Variants in CCDC178 observed in about 807,000 individuals in gnomAD.
CCDC178 encodes the protein coiled-coil domain-containing protein 178.
A neutral mutation model predicts 117.4 loss-of-function variants in CCDC178; 126 were observed. The ratio of observed to expected loss-of-function variants is 1.07; its 90% CI spans 0.93 to 1.24. The LOEUF is 1.24. Among genes scored for constraint, CCDC178 ranks in the 50% most tolerant of loss-of-function variants. The probability of loss-of-function intolerance (pLI) is 0.00; values close to 1 mark genes in which losing one functional copy is unlikely to be tolerated. For synonymous variants in CCDC178, 283 were observed against 313.4 expected (o/e 0.90, Z 1.02); for missense variants, 1,030 against 986.9 (o/e 1.04, Z -0.59).
chr18:33,330,139 G>A (rs748825361), intron 10 of CCDC178, among the ~76,000 whole-genome samples: 15 of 151,718 alleles, frequency 9.9e-5, no homozygotes, highest in Non-Finnish European at 1.8e-4. Context: ...GGAAGTATTT[G>A]GGCCTCTCAG....
chr18:32,990,247 C>A (rs1430551488), intron 21 of CCDC178, among the ~76,000 whole-genome samples: 1 of 151,986 alleles, frequency 6.6e-6, no homozygotes, highest in Non-Finnish European at 1.5e-5. Flanking sequence ...CTTTAGGGAA[C>A]TTAGGAAAAA....
chr18:33,279,710 A>AG (rs747071118), intron 12 of CCDC178, among the ~76,000 whole-genome samples: 1 of 152,076 alleles, frequency 6.6e-6, no homozygotes, highest in African/African-American at 2.4e-5. Flanking sequence ...CTATACTACA[A>AG]GCTACAGTAA....
In CCDC178 at chr18:33,273,724, G is replaced by A. The variant is rs182567029; in HGVS notation, c.1177-6427C>T. Among the ~76,000 whole-genome samples, 628 of 151,618 alleles carry A rather than the reference G, an allele frequency of 4.1e-3. 9 individuals are homozygous for A. Among genetic ancestry groups the A allele is most frequent in the Middle Eastern group, 0.01 (3 of 288 alleles). ...CATACACAAAAATTAACTAAACTTG[G>A]ATTAAAAAATATAAATGTAATAGTT... On this transcript the variant is annotated intron_variant, in intron 12 of 22. Coordinates refer to ENST00000383096, the MANE Select transcript of CCDC178 (RefSeq NM_001105528.4).
chr18:33,280,118 C>G (rs371166066), intron 12 of CCDC178, among the ~76,000 whole-genome samples: 9 of 151,094 alleles, frequency 6.0e-5, no homozygotes, highest in Non-Finnish European at 1.0e-4. Context: ...TAATTAAACT[C>G]AAGAGCTTCT....
chr18:33,310,720 G>T (rs1342395172), intron 11 of CCDC178, among the ~76,000 whole-genome samples: 2 of 152,040 alleles, frequency 1.3e-5, no homozygotes, highest in African/African-American at 2.4e-5. Flanking sequence ...TTTAAGATTG[G>T]CCCCCTATGT....
chr18:33,400,878 C>T (rs2063701081), intron 3 of CCDC178, among the ~76,000 whole-genome samples: 1 of 152,180 alleles, frequency 6.6e-6, no homozygotes, highest in South Asian at 2.1e-4. Flanking sequence ...ATGCCTTTCT[C>T]ACTAAGTTTA....
intron 19 of CCDC178, among the ~76,000 whole-genome samples, chr18:33,215,195 A>C (rs2059150468): frequency 6.6e-6 from 1 of 152,014 alleles, no homozygotes; most frequent in Non-Finnish European, 1.5e-5. Context: ...AAAACTAATC[A>C]AAAACATTTG....
chr18:33,074,558 A>T (rs1302344727), intron 21 of CCDC178, among the ~76,000 whole-genome samples: 1 of 152,228 alleles, frequency 6.6e-6, no homozygotes, highest in Non-Finnish European at 1.5e-5. Context: ...GCCCTGGGGA[A>T]TTCCAACATT....
At chr18:33,073,380 T>C (rs973502557) in intron 21 of CCDC178, among the ~76,000 whole-genome samples, 16 of 152,102 alleles carry the variant, frequency 1.1e-4, no homozygotes, top group Admixed American at 7.2e-4. Context: ...CTTTATATCA[T>C]TCATTTAAAA....
chr18:33,412,240 T>C lies in CCDC178; in HGVS notation c.-22-130A>G, dbSNP rs566086491. The C allele has an allele frequency of 3.1e-5, 13 of 417,632 alleles. No individual in the cohort carries two copies. The South Asian group carries it at 6.1e-4, about 20-fold the overall frequency. 25.9% of individuals were successfully genotyped at this position (417,632 alleles called of 1,614,324 possible). A position where few individuals can be genotyped will look rare whatever the true frequency, so the allele number is the denominator to read the frequency against. ...TGTAAAATGTAAGGAAGTCCAACAA[T>C]GTACTCTTTTTCTTATTAGGACTAT... is the stretch of plus-strand genomic sequence containing the variant. On this transcript the variant is annotated intron_variant, in intron 2 of 22. Transcript: ENST00000383096.
intron 12 of CCDC178, among the ~76,000 whole-genome samples, chr18:33,280,991 T>C (rs994128490): frequency 3.3e-5 from 5 of 151,844 alleles, no homozygotes; most frequent in Non-Finnish European, 4.4e-5. Context: ...TTAGGAGATA[T>C]ACCTAATGCT....
At chr18:33,395,762 G>A (rs1345124781) in intron 4 of CCDC178, among the ~76,000 whole-genome samples, 1 of 151,964 alleles carries the variant, frequency 6.6e-6, no homozygotes, top group East Asian at 1.9e-4. Context: ...AAAGCAATAA[G>A]GAGTACAGAG....
intron 10 of CCDC178, among the ~76,000 whole-genome samples, chr18:33,326,744 T>C (rs1391533774): frequency 6.6e-6 from 1 of 152,018 alleles, no homozygotes; most frequent in Non-Finnish European, 1.5e-5. Flanking sequence ...GCATACCTTC[T>C]CGGTGGTTAC....
At chr18:33,423,155 A>G (rs903069135) in intron 2 of CCDC178, among the ~76,000 whole-genome samples, 5 of 152,140 alleles carry the variant, frequency 3.3e-5, no homozygotes, top group Non-Finnish European at 4.4e-5. Context: ...GTTGTACCCT[A>G]TAACCCGGCC....
intron 20 of CCDC178, among the ~76,000 whole-genome samples, chr18:33,202,803 A>G (rs1282910264): frequency 6.6e-6 from 1 of 152,176 alleles, no homozygotes; most frequent in Admixed American, 6.5e-5. Flanking sequence ...TTAAGTGTAA[A>G]CTTTTCACTG....
At chr18:33,276,673 G>T (rs1440734438) in intron 12 of CCDC178, among the ~76,000 whole-genome samples, 2 of 152,110 alleles carry the variant, frequency 1.3e-5, no homozygotes, top group Non-Finnish European at 2.9e-5. Context: ...ATAATGATTA[G>T]ATTTAGCAAA....
intron 2 of CCDC178, among the ~76,000 whole-genome samples, chr18:33,439,069 T>G (rs1201710746): frequency 6.6e-6 from 1 of 152,200 alleles, no homozygotes; most frequent in Non-Finnish European, 1.5e-5. Flanking sequence ...TTGAACCAAC[T>G]GAGGTCAAGA....
Position 33,007,308 on chromosome 18 carries a change from G to A in CCDC178, c.2389-32627C>T, listed in dbSNP as rs540033137. Reference sequence around the variant, plus strand: ...AGTTGTTGTGGGGGTTCTATGGTAAGGCTTTGCAACATATACTATAAACAA... The same window carrying A: ...AGTTGTTGTGGGGGTTCTATGGTAAAGCTTTGCAACATATACTATAAACAA... On this transcript the variant is annotated intron_variant, in intron 21 of 22. Transcript: ENST00000383096. 5.3e-5 allele frequency among the ~76,000 whole-genome samples: 8 copies of A among 151,946 alleles called. No individual in the cohort carries two copies. In the South Asian group the frequency reaches 1.4e-3, roughly 28 times the overall value.
chr18:33,127,624 C>T lies in CCDC178; in HGVS notation c.2239-34714G>A, dbSNP rs28733776. Among the ~76,000 whole-genome samples the T allele has an allele frequency of 7.4e-3, 1,127 of 151,954 alleles. 18 individuals carry two copies. The highest frequency in any genetic ancestry group is 0.026 in the African/African-American group (1,062 of 41,472). On this transcript the variant is annotated intron_variant, in intron 20 of 22. Transcript: ENST00000383096. ...CTAATTTTTGTAATTTTAGTAGAGA[C>T]GGGGTTTCACCATCTTGGCCAGGCT...
Sources: allele counts gnomAD v4.1 joint callset (sites outside exome capture counted in the v4.1 genomes callset), GRCh38; gene constraint gnomAD v4.1.1; transcripts MANE v1.5; gene names NCBI Gene and HGNC (gene_info 2026-07-23, HGNC 2026-07-21).